Variants in FBLIM1 observed in about 807,000 individuals in gnomAD.
The protein encoded by FBLIM1 is filamin-binding LIM protein 1.
FBLIM1 carries 29 observed loss-of-function variants against 37.4 expected under a neutral mutation model. The observed-to-expected ratio is 0.77, with a 90% CI of 0.58 to 1.06. The LOEUF (loss-of-function observed/expected upper bound fraction) is 1.06, where lower values mean the gene tolerates loss of function less well. Among genes scored for constraint, FBLIM1 ranks in the 50% least tolerant of loss-of-function variants. The pLI, the probability that FBLIM1 is intolerant of heterozygous loss-of-function variation, is 0.00. For synonymous variants in FBLIM1, 193 were observed against 199.0 expected (o/e 0.97, Z 0.25); for missense variants, 449 against 505.6 (o/e 0.89, Z 1.07).
At chr1:15,771,840 G>A (rs1478952150) in intron 6 of FBLIM1, among the ~76,000 whole-genome samples, 3 of 151,604 alleles carry the variant, frequency 2.0e-5, no homozygotes, top group Non-Finnish European at 2.9e-5. Context: ...ACACGAGATG[G>A]CCAAGGAGCT....
Position 15,784,879 on chromosome 1 carries a change from G to A in FBLIM1, c.*218G>A. 2.4e-6 allele frequency: 1 copy of A among 418,470 alleles called. No homozygotes were observed. Among genetic ancestry groups the A allele is most frequent in the East Asian group, 3.4e-5 (1 of 29,392 alleles). The allele number at this position is 418,470 out of a possible 1,614,324, so 25.9% of individuals were successfully genotyped here. On this transcript the variant is annotated 3_prime_UTR_variant, in exon 9 of 9. Transcript: ENST00000375766. ...GCACCAGAAGGCTCCTGGACCATGA[G>A]CTTCACCCCCAGAATTCCCTGCTGA...
intron 7 of FBLIM1, among the ~76,000 whole-genome samples, chr1:15,775,447 A>G (rs2069454447): frequency 6.6e-6 from 1 of 151,282 alleles, no homozygotes; most frequent in African/African-American, 2.4e-5. Context: ...AGGCAGAAGA[A>G]TCACTTGAAC....
Position 15,777,305 on chromosome 1 carries a change from G to A in FBLIM1, c.1008+18G>A, listed in dbSNP as rs756152471. ...GGTGTGAGGTGAGTGGAGCCTAGGT[G>A]GTTTAATAACATTCCATTGCTGCGT... On this transcript the variant is annotated intron_variant, in intron 8 of 8. Transcript: ENST00000375766. 3.8e-6 allele frequency: 6 copies of A among 1,583,648 alleles called. No individual in the cohort carries two copies. The highest frequency in any genetic ancestry group is 3.5e-6 in the Non-Finnish European group (4 of 1,154,498).
chr1:15,783,355 C>G (rs1044996889), intron 8 of FBLIM1, among the ~76,000 whole-genome samples: 5 of 151,944 alleles, frequency 3.3e-5, no homozygotes, highest in Non-Finnish European at 7.4e-5. Context: ...ACAGAAAGGC[C>G]CCTGGAGCCA....
chr1:15,770,478 AC>A lies in FBLIM1; in HGVS notation c.613del (p.His205MetfsTer66), dbSNP rs2069148785. On this transcript the variant is annotated frameshift_variant, in exon 6 of 9. Coordinates refer to ENST00000375766, the MANE Select transcript of FBLIM1 (RefSeq NM_017556.4). LOFTEE classifies it high-confidence loss of function. ...GCTGTGGAGGCCATGAAGAGGCAGTACCATGCCCAGTGCTTCACGTGCCGCA... is the reference window on the plus strand; with the variant it reads ...GCTGTGGAGGCCATGAAGAGGCAGTACATGCCCAGTGCTTCACGTGCCGCA... ...ELAVEAMKRQYHAQCFTCRTC... is the reference protein window; with the variant it reads ...ELAVEAMKRQXHAQCFTCRTC... The A allele has an allele frequency of 1.2e-6, 2 of 1,613,638 alleles. No individual in the cohort carries two copies. The highest frequency in any genetic ancestry group is 2.2e-5 in the South Asian group (2 of 91,014).
intron 6 of FBLIM1, among the ~76,000 whole-genome samples, chr1:15,772,594 C>T (rs921038428): frequency 4.6e-5 from 7 of 152,106 alleles, no homozygotes; most frequent in Non-Finnish European, 8.8e-5. Flanking sequence ...AGCCCACTGC[C>T]CTGCCTCGGG....
At chr1:15,768,722 C>A in intron 5 of FBLIM1, 92 bp downstream of exon 5, 1 of 793,214 alleles carries the variant, frequency 1.3e-6, no homozygotes, top group Non-Finnish European at 1.9e-6. Flanking sequence ...GACCCCTCTT[C>A]CCATCCCCAC....
intron 8 of FBLIM1, among the ~76,000 whole-genome samples, chr1:15,783,158 C>T (rs566030855): frequency 5.9e-5 from 9 of 152,220 alleles, no homozygotes; most frequent in South Asian, 2.1e-4. Flanking sequence ...CAAGTCTCTG[C>T]GCGCAAATTG....
chr1:15,759,767 C>T (rs2068578025), intron 1 of FBLIM1, among the ~76,000 whole-genome samples: 1 of 152,180 alleles, frequency 6.6e-6, no homozygotes, highest in Non-Finnish European at 1.5e-5. Flanking sequence ...AGTGGGGCCG[C>T]GTGTGAACCC....
intron 4 of FBLIM1, among the ~76,000 whole-genome samples, chr1:15,768,167 G>T (rs985848526): frequency 6.6e-6 from 1 of 152,192 alleles, no homozygotes; most frequent in Non-Finnish European, 1.5e-5. Flanking sequence ...ACAGGTTTGA[G>T]CCACTGCACC....
chr1:15,768,007 C>T (rs1180524825), intron 4 of FBLIM1, among the ~76,000 whole-genome samples: 1 of 152,164 alleles, frequency 6.6e-6, no homozygotes, highest in Non-Finnish European at 1.5e-5. Context: ...CCATAGTCTC[C>T]TGAGTATCTG....
At chr1:15,766,386 C>G (rs1346085153) in intron 3 of FBLIM1, among the ~76,000 whole-genome samples, 1 of 151,998 alleles carries the variant, frequency 6.6e-6, no homozygotes, top group African/African-American at 2.4e-5. Context: ...AACCTCTGCT[C>G]CCCAGGTTCA....
rs1266233612 is a variant in FBLIM1 at position 15,777,220 on chromosome 1, A to T, written c.941A>T (p.Asp314Val). ...SICENPIIPRDGKDAFKIECM... is the reference protein window; with the variant it reads ...SICENPIIPRVGKDAFKIECM... ...TGTGAAAATCCCATCATCCCTCGGGATGGGAAAGATGCCTTCAAAATCGAA... is the reference window on the plus strand; with the variant it reads ...TGTGAAAATCCCATCATCCCTCGGGTTGGGAAAGATGCCTTCAAAATCGAA... The change falls in exon 8 of 9, where the codon GAT becomes GTT. Residue 314 changes from aspartate (D) to valine (V), a missense_variant. Asp to Val is a radical substitution (Grantham distance 152, BLOSUM62 -3). Transcript: ENST00000375766. The T allele has an allele frequency of 1.9e-6, 3 of 1,613,118 alleles. No individual in the cohort carries two copies. Among genetic ancestry groups the T allele is most frequent in the Admixed American group, 1.7e-5 (1 of 59,928 alleles).
intron 5 of FBLIM1, among the ~76,000 whole-genome samples, chr1:15,769,274 C>T (rs901585253): frequency 2.0e-5 from 3 of 151,672 alleles, no homozygotes; most frequent in Non-Finnish European, 2.9e-5. Flanking sequence ...GTCAGGAGTT[C>T]GAGATCCGCC....
Position 15,764,586 on chromosome 1 carries a change from C to T in FBLIM1, c.-120C>T, listed in dbSNP as rs1043115942. 11 of 189,654 alleles carry T rather than the reference C, an allele frequency of 5.8e-5. No individual in the cohort carries two copies. In the East Asian group the frequency reaches 1.2e-3, roughly 21 times the overall value. The allele number at this position is 189,654 out of a possible 1,614,324, so 11.7% of individuals were successfully genotyped here. On this transcript the variant is annotated 5_prime_UTR_variant, in exon 2 of 9. Transcript: ENST00000375766. ...CTTGGGGTGTGGCCCAGCAGGCAGG[C>T]GGGACTCCAGACTGGGAACGGAAGT...
intron 1 of FBLIM1, among the ~76,000 whole-genome samples, chr1:15,759,279 G>A (rs896889117): frequency 2.6e-5 from 4 of 152,218 alleles, no homozygotes; most frequent in African/African-American, 4.8e-5. Flanking sequence ...GAGCCCGGGG[G>A]CGCTCCAGGC....
At chr1:15,771,937 T>C (rs989946299) in intron 6 of FBLIM1, among the ~76,000 whole-genome samples, 1 of 151,852 alleles carries the variant, frequency 6.6e-6, no homozygotes, top group Admixed American at 6.6e-5. Flanking sequence ...AGGGTTCCAA[T>C]GTTTGATCTC....
At chr1:15,777,409 G>C (rs2069524435) in intron 8 of FBLIM1, 122 bp downstream of exon 8, 4 of 615,796 alleles carry the variant, frequency 6.5e-6, no homozygotes, top group Non-Finnish European at 8.6e-6. Context: ...TCATTGTCTA[G>C]TAGGAGAAAC....
chr1:15,782,920 T>G (rs886092452), intron 8 of FBLIM1, among the ~76,000 whole-genome samples: 2 of 150,826 alleles, frequency 1.3e-5, no homozygotes, highest in Non-Finnish European at 2.9e-5. Context: ...CTCAGCCTCA[T>G]GAGTAGCTGG....
Sources: gnomAD v4.1 joint callset for allele counts (sites outside exome capture counted in the v4.1 genomes callset) on GRCh38, gnomAD v4.1.1 for gene constraint, MANE v1.5 for transcripts, NCBI Gene and HGNC (gene_info 2026-07-23, HGNC 2026-07-21) for gene names.